Variants in HTR2C observed in about 807,000 individuals in gnomAD.
HTR2C encodes 5-hydroxytryptamine (serotonin) receptor 2C, G protein-coupled.
Under a neutral mutation model 21.0 loss-of-function variants are expected in HTR2C, and 5 were observed. The ratio of observed to expected loss-of-function variants is 0.24; its 90% CI spans 0.12 to 0.50. HTR2C has a LOEUF of 0.50. HTR2C is among the 20% of genes least tolerant of loss of function. The pLI is 0.98. For missense variants in HTR2C, 271 were observed against 371.2 expected (o/e 0.73, Z 2.22); for synonymous variants, 150 against 145.3 (o/e 1.03, Z -0.23).
At chrX:114,618,877 T>C (rs1482542552) in intron 2 of HTR2C, among the ~76,000 whole-genome samples, 2 of 96,057 alleles carry the variant, frequency 2.1e-5, no homozygotes, top group Non-Finnish European at 4.3e-5. Flanking sequence ...CTAAGTACAG[T>C]TGTCCACTTA....
At chrX:114,806,672 T>C (rs1198278753) in intron 4 of HTR2C, among the ~76,000 whole-genome samples, 5 of 97,888 alleles carry the variant, frequency 5.1e-5, no homozygotes, top group South Asian at 4.7e-4. Flanking sequence ...CTATATATAC[T>C]ATATATACAC....
At chrX:114,603,782 T>C (rs1373667100) in intron 1 of HTR2C, among the ~76,000 whole-genome samples, 1 of 66,631 alleles carries the variant, frequency 1.5e-5, no homozygotes, top group Non-Finnish European at 2.7e-5. Flanking sequence ...GAAAGCATGT[T>C]TGAGATCCAG....
intron 4 of HTR2C, among the ~76,000 whole-genome samples, chrX:114,740,122 T>C (rs1454774418): frequency 9.2e-6 from 1 of 108,138 alleles, no homozygotes; most frequent in Non-Finnish European, 1.9e-5. Context: ...CTCAAAAATA[T>C]ATATTTTAAA....
intron 2 of HTR2C, among the ~76,000 whole-genome samples, chrX:114,657,855 TTTG>T (rs377126316): frequency 9.0e-6 from 1 of 111,249 alleles, no homozygotes; most frequent in African/African-American, 3.3e-5. Flanking sequence ...AAGCCAATAT[TTTG>T]TTGTTGTTGT....
At chrX:114,837,714 C>T (rs1475892040) in intron 4 of HTR2C, among the ~76,000 whole-genome samples, 6 of 109,833 alleles carry the variant, frequency 5.5e-5, no homozygotes, top group African/African-American at 1.6e-4. Flanking sequence ...AAAAAAATCA[C>T]CGATAAACAA....
At chrX:114,646,768 T>C (rs1424020775) in intron 2 of HTR2C, among the ~76,000 whole-genome samples, 1 of 112,370 alleles carries the variant, frequency 8.9e-6, no homozygotes, top group African/African-American at 3.2e-5. Context: ...CCATATGTTT[T>C]CTTCCAGTAG....
At chrX:114,745,201 A>G (rs1258240533) in intron 4 of HTR2C, among the ~76,000 whole-genome samples, 1 of 112,599 alleles carries the variant, frequency 8.9e-6, no homozygotes, top group Non-Finnish European at 1.9e-5. Context: ...AAGGTGCTCA[A>G]CATCACTGAT....
intron 4 of HTR2C, among the ~76,000 whole-genome samples, chrX:114,750,639 T>C (rs1386560934): frequency 1.8e-5 from 2 of 112,224 alleles, no homozygotes; most frequent in Non-Finnish European, 3.8e-5. Flanking sequence ...TTGTCATCTG[T>C]AGTTTACATA....
At chrX:114,641,455 A>C (rs1307415012) in intron 2 of HTR2C, among the ~76,000 whole-genome samples, 1 of 111,392 alleles carries the variant, frequency 9.0e-6, no homozygotes, top group African/African-American at 3.3e-5. Context: ...GAAATACTGA[A>C]CATGGATTTC....
At chrX:114,594,151 CAAAAG>C (rs1207004448) in intron 1 of HTR2C, among the ~76,000 whole-genome samples, 1 of 111,803 alleles carries the variant, frequency 8.9e-6, no homozygotes, top group Non-Finnish European at 1.9e-5. Context: ...AAACTCTACA[CAAAAG>C]AAGTTACTTA....
chrX:114,607,315 A>G (rs782579831), intron 1 of HTR2C, among the ~76,000 whole-genome samples: 1 of 111,918 alleles, frequency 8.9e-6, no homozygotes, highest in Admixed American at 9.4e-5. Flanking sequence ...ACCATGATAA[A>G]GAAGGTGTGG....
rs782378011 is a variant in HTR2C, at chrX:114,882,830, T to G, written c.551-23759T>G. Among the ~76,000 whole-genome samples, 16 of 110,934 alleles carry G rather than the reference T, an allele frequency of 1.4e-4. No individual in the cohort carries two copies. In the South Asian group the frequency reaches 6.0e-3, roughly 41 times the overall value. ...TCATCTCATTTTGGTATCAGGGTAA[T>G]TCTGACCTCATAATATGAGTTAAGA... On this transcript the variant is annotated intron_variant, in intron 5 of 5. Transcript: ENST00000276198.
intron 4 of HTR2C, among the ~76,000 whole-genome samples, chrX:114,764,160 A>T (rs1210229306): frequency 1.8e-5 from 2 of 110,974 alleles, no homozygotes; most frequent in Non-Finnish European, 3.8e-5. Flanking sequence ...ACCCTTTGGG[A>T]GGCCGAGGCG....
intron 4 of HTR2C, among the ~76,000 whole-genome samples, chrX:114,807,417 CTATACCATATATATACGCCATATA>C (rs1280055451): frequency 3.9e-3 from 322 of 83,203 alleles, no homozygotes; most frequent in African/African-American, 0.017. Context: ...TACGCCATAT[CTATACCATATATATACGCCATATA>C]TATACCATAT....
intron 4 of HTR2C, among the ~76,000 whole-genome samples, chrX:114,791,230 A>G (rs181617874): frequency 1.4e-3 from 161 of 112,520 alleles, no homozygotes; most frequent in African/African-American, 4.9e-3. Context: ...AATTAAATGG[A>G]CCAACACATT....
chrX:114,744,762 C>G (rs1334397494), intron 4 of HTR2C, among the ~76,000 whole-genome samples: 1 of 111,656 alleles, frequency 9.0e-6, no homozygotes, highest in Non-Finnish European at 1.9e-5. Context: ...CCCCAAAGCT[C>G]ATTCTTTTAC....
rs1291024023 is a variant in HTR2C, at chrX:114,841,346, CA to C, written c.350-6652del. ...TAGATTCTAGATGCCAATGTCATTA[CA>C]AAAACTTTAAACTTTTAATGATGCT... On this transcript the variant is annotated intron_variant, in intron 4 of 5. Transcript: ENST00000276198. Among the ~76,000 whole-genome samples the C allele has an allele frequency of 7.1e-5, 8 of 112,062 alleles. No individual in the cohort carries two copies. In the Admixed American group the frequency reaches 7.6e-4, roughly 11 times the overall value.
chrX:114,736,366 A>T (rs2069591041), intron 4 of HTR2C, among the ~76,000 whole-genome samples: 1 of 110,960 alleles, frequency 9.0e-6, no homozygotes, highest in Non-Finnish European at 1.9e-5. Flanking sequence ...AAAGTATACC[A>T]AGCAAATGGT....
chrX:114,733,725 A>C (rs1203380901), intron 4 of HTR2C, among the ~76,000 whole-genome samples: 1 of 110,501 alleles, frequency 9.0e-6, no homozygotes, highest in Non-Finnish European at 1.9e-5. Flanking sequence ...TGTCCCCCAA[A>C]GGCCCTCCAG....
Sources: allele counts gnomAD v4.1 joint callset (sites outside exome capture counted in the v4.1 genomes callset), GRCh38; gene constraint gnomAD v4.1.1; transcripts MANE v1.5; gene names NCBI Gene and HGNC (gene_info 2026-07-23, HGNC 2026-07-21).